PKHD1: variants seen among roughly 807,000 people sequenced by gnomAD.
PKHD1 encodes fibrocystin.
A neutral mutation model predicts 412.0 loss-of-function variants in PKHD1; 291 were observed. The observed-to-expected ratio is 0.71, with a 90% CI of 0.64 to 0.78. PKHD1 has a LOEUF of 0.78. Among genes scored for constraint, PKHD1 ranks in the 30% least tolerant of loss-of-function variants. The pLI is 0.00. For missense variants in PKHD1, 4,825 were observed against 4,950.7 expected (o/e 0.97, Z 0.76); for synonymous variants, 1,777 against 1,821.5 (o/e 0.98, Z 0.62).
At chr6:51,867,802 C>T (rs114902024) in intron 48 of PKHD1, 61 bp downstream of exon 48, 2 of 1,489,690 alleles carry the variant, frequency 1.3e-6, no homozygotes, top group Non-Finnish European at 1.9e-6. Context: ...TAAGCCTCGA[C>T]AGCCAGAATA....
intron 54 of PKHD1, among the ~76,000 whole-genome samples, chr6:51,774,217 G>A (rs1790625376): frequency 6.6e-6 from 1 of 151,966 alleles, no homozygotes. Context: ...CCATTTCTTA[G>A]TTGTTTCAAG....
chr6:51,762,691 G>A lies in PKHD1; in HGVS notation c.8643-7753C>T, dbSNP rs566075248. ...TTTTCAGGTATCAAATTCTTTTGGTGAAAATTCATGAAACAGTTCATCTGA... is the reference window on the plus strand; with the variant it reads ...TTTTCAGGTATCAAATTCTTTTGGTAAAAATTCATGAAACAGTTCATCTGA... On this transcript the variant is annotated intron_variant, in intron 55 of 66. Coordinates refer to ENST00000371117, the MANE Select transcript of PKHD1 (RefSeq NM_138694.4). 5.0e-4 allele frequency among the ~76,000 whole-genome samples: 75 copies of A among 151,176 alleles called. 1 individual carries two copies. Among genetic ancestry groups the A allele is most frequent in the Non-Finnish European group, 9.6e-4 (65 of 67,806 alleles).
intron 60 of PKHD1, chr6:51,721,350 A>G (rs1781902214): frequency 1.8e-6 from 1 of 543,846 alleles, no homozygotes; most frequent in Non-Finnish European, 2.3e-6. Flanking sequence ...TTAGTATATT[A>G]TTGATAATAT....
At chr6:51,874,349 G>A (rs1164936204) in intron 46 of PKHD1, among the ~76,000 whole-genome samples, 1 of 152,104 alleles carries the variant, frequency 6.6e-6, no homozygotes, top group Admixed American at 6.5e-5. Flanking sequence ...AACAAACTAC[G>A]CACCCAAACT....
At chr6:52,072,464 A>G (rs1048733263) in intron 7 of PKHD1, among the ~76,000 whole-genome samples, 2 of 152,210 alleles carry the variant, frequency 1.3e-5, no homozygotes, top group Non-Finnish European at 2.9e-5. Context: ...GATTCTACAC[A>G]GAGATAATAT....
chr6:51,824,966 T>C (rs534423165), intron 52 of PKHD1, among the ~76,000 whole-genome samples: 1 of 152,244 alleles, frequency 6.6e-6, no homozygotes, highest in South Asian at 2.1e-4. Context: ...CTAAGCATTA[T>C]AGGTAAAAAT....
intron 52 of PKHD1, among the ~76,000 whole-genome samples, chr6:51,829,433 G>C (rs1204754870): frequency 6.6e-6 from 1 of 152,118 alleles, no homozygotes; most frequent in Admixed American, 6.6e-5. Flanking sequence ...TGCATGGGGT[G>C]GGGGAAGCAG....
intron 61 of PKHD1, 50 bp from the exon 62 acceptor site, chr6:51,649,270 C>A (rs750150588): frequency 1.4e-6 from 2 of 1,402,300 alleles, no homozygotes; most frequent in Non-Finnish European, 2.0e-6. Flanking sequence ...TACACATATC[C>A]CTATGGTAGC....
intron 61 of PKHD1, among the ~76,000 whole-genome samples, chr6:51,655,669 G>T (rs1771701831): frequency 6.6e-6 from 1 of 152,104 alleles, no homozygotes; most frequent in Non-Finnish European, 1.5e-5. Flanking sequence ...TCCAGGGAGT[G>T]GGCCAGGAGT....
At chr6:51,707,155 T>C (rs767032818) in intron 60 of PKHD1, among the ~76,000 whole-genome samples, 13 of 152,198 alleles carry the variant, frequency 8.5e-5, no homozygotes, top group Non-Finnish European at 1.9e-4. Context: ...ACATTAAGTA[T>C]GCTGGGGAGT....
At chr6:51,756,982 C>T (rs987528138) in intron 55 of PKHD1, among the ~76,000 whole-genome samples, 1 of 152,090 alleles carries the variant, frequency 6.6e-6, no homozygotes, top group African/African-American at 2.4e-5. Flanking sequence ...CTAGATCCCT[C>T]ACATACACAG....
intron 60 of PKHD1, among the ~76,000 whole-genome samples, chr6:51,722,312 ATTG>A (rs1229662309): frequency 3.9e-5 from 6 of 152,210 alleles, no homozygotes; most frequent in Admixed American, 3.9e-4. Context: ...TTCTTACTGA[ATTG>A]TTATTTCTTT....
At chr6:51,827,477 A>T (rs1313756572) in intron 52 of PKHD1, among the ~76,000 whole-genome samples, 1 of 152,134 alleles carries the variant, frequency 6.6e-6, no homozygotes, top group Admixed American at 6.5e-5. Context: ...TAAATGTCAG[A>T]AGCCAAATGT....
At chr6:52,069,584 T>C (rs1002596558) in intron 10 of PKHD1, 57 bp from the exon 11 acceptor site, 1 of 1,331,914 alleles carries the variant, frequency 7.5e-7, no homozygotes, top group East Asian at 2.3e-5. Context: ...ATTGCATTTT[T>C]TTTAGTCGGC....
intron 37 of PKHD1, among the ~76,000 whole-genome samples, chr6:51,919,927 TTGTC>T (rs1033222288): frequency 6.6e-6 from 1 of 151,684 alleles, no homozygotes; most frequent in Non-Finnish European, 1.5e-5. Context: ...ATTTGGTTCT[TTGTC>T]TGTTATTGGT....
Position 51,618,719 on chromosome 6 carries a change from G to A in PKHD1, c.*362C>T, listed in dbSNP as rs534237629. 2.1e-4 allele frequency: 72 copies of A among 350,694 alleles called. 2 individuals carry two copies. The highest frequency in any genetic ancestry group is 1.6e-3 in the South Asian group (68 of 43,246). The allele number at this position is 350,694 out of a possible 1,614,324, so 21.7% of individuals were successfully genotyped here. A position where few individuals can be genotyped will look rare whatever the true frequency, so the allele number is the denominator to read the frequency against. ...ATCCCTTCTATAAAAGAAGCTCAAA[G>A]CATTGTGGGTGGTCAATCCAGAGAA... On this transcript the variant is annotated 3_prime_UTR_variant, in exon 67 of 67. Transcript: ENST00000371117.
At chr6:51,624,313 T>C (rs1434579416) in intron 66 of PKHD1, among the ~76,000 whole-genome samples, 2 of 152,222 alleles carry the variant, frequency 1.3e-5, no homozygotes, top group African/African-American at 4.8e-5. Flanking sequence ...TGTTTTAAAA[T>C]AGAAAATGTT....
intron 60 of PKHD1, among the ~76,000 whole-genome samples, chr6:51,688,925 G>A (rs908534398): frequency 1.3e-5 from 2 of 152,070 alleles, no homozygotes; most frequent in Non-Finnish European, 2.9e-5. Context: ...GATGTACAAA[G>A]AAAAGCTAGC....
intron 60 of PKHD1, among the ~76,000 whole-genome samples, chr6:51,666,634 G>A (rs1214892806): frequency 2.0e-5 from 3 of 151,320 alleles, no homozygotes; most frequent in Middle Eastern, 3.2e-3. Flanking sequence ...ATGCTGGTGC[G>A]CTGCACCCAC....
Sources: gnomAD v4.1 joint callset for allele counts (sites outside exome capture counted in the v4.1 genomes callset) on GRCh38, gnomAD v4.1.1 for gene constraint, MANE v1.5 for transcripts, NCBI Gene and HGNC (gene_info 2026-07-23, HGNC 2026-07-21) for gene names.